Variants in SEPTIN9 observed in about 807,000 individuals in gnomAD.
The protein encoded by SEPTIN9 is septin 9, also known as septin-9.
Under a neutral mutation model 56.6 loss-of-function variants are expected in SEPTIN9, and 13 were observed. The observed-to-expected ratio is 0.23, with a 90% confidence interval of 0.15 to 0.37. SEPTIN9 has a LOEUF of 0.37. Ranked by LOEUF, SEPTIN9 falls within the 10% of genes least tolerant of loss-of-function variation. The pLI, the probability that SEPTIN9 is intolerant of heterozygous loss-of-function variation, is 1.00. For missense variants in SEPTIN9, 650 were observed against 823.1 expected (o/e 0.79, Z 2.57); for synonymous variants, 332 against 334.1 (o/e 0.99, Z 0.07).
Position 77,482,149 on chromosome 17 carries a change from G to A in SEPTIN9, c.727G>A (p.Glu243Lys). The A allele has an allele frequency of 6.4e-7, 1 of 1,571,760 alleles. No homozygotes were observed. The highest frequency in any genetic ancestry group is 1.4e-5 in the African/African-American group (1 of 74,020). Residue 243 changes from glutamate (E) to lysine (K), a missense_variant, in exon 4 of 12, where the codon GAG becomes AAG. By Grantham distance (56) the Glu-to-Lys change is moderately conservative (BLOSUM62 1). Transcript: ENST00000427177. Reference sequence around the variant, plus strand: ...CTCTGCTGTTCCTTCCCCAGCCACTGAGGCGGCTCCCAGCTGCGTTGGCGA... The same window carrying A: ...CTCTGCTGTTCCTTCCCCAGCCACTAAGGCGGCTCCCAGCTGCGTTGGCGA... Reference protein sequence around the residue: ...EATPRSQEATEAAPSCVGDMA... With the variant: ...EATPRSQEATKAAPSCVGDMA...
intron 2 of SEPTIN9, chr17:77,376,327 C>T (rs1192990450): frequency 9.1e-6 from 9 of 985,804 alleles, no homozygotes; most frequent in Non-Finnish European, 9.6e-6. Context: ...TGGGAATGGG[C>T]GCAGGAGCAG....
At chr17:77,337,327 C>T (rs2033588183) in intron 2 of SEPTIN9, among the ~76,000 whole-genome samples, 1 of 152,000 alleles carries the variant, frequency 6.6e-6, no homozygotes, top group African/African-American at 2.4e-5. Flanking sequence ...AATATTGAAC[C>T]AACCTTGCAT....
At position 77,327,556 on chromosome 17, in the gene SEPTIN9, C is replaced by T. The variant is rs900725364; in HGVS notation, c.76+20359C>T. On this transcript the variant is annotated intron_variant, in intron 2 of 11. Transcript: ENST00000427177. This position sits in a 1 kb window ranked among gnomAD's most constrained non-coding sequence, Gnocchi z 5.0. ...GCTGGCATGCTCTGGGCAGTGGGGG[C>T]TGGGTATGGGAGGGGATCGTGGGTG... Among the ~76,000 whole-genome samples, 12 of 152,084 alleles carry T rather than the reference C, an allele frequency of 7.9e-5. No homozygotes were observed. Among genetic ancestry groups the T allele is most frequent in the African/African-American group, 2.9e-4 (12 of 41,426 alleles).
intron 1 of SEPTIN9, among the ~76,000 whole-genome samples, chr17:77,287,281 A>T (rs2031323342): frequency 2.0e-5 from 3 of 152,200 alleles, no homozygotes; most frequent in Admixed American, 6.5e-5. Flanking sequence ...GGAGCAGTGA[A>T]GTGCCCCCGT....
intron 1 of SEPTIN9, among the ~76,000 whole-genome samples, chr17:77,296,650 T>C (rs556580775): frequency 3.4e-4 from 52 of 152,186 alleles, no homozygotes; most frequent in African/African-American, 1.3e-3. Flanking sequence ...GCCAGGAGTT[T>C]GAGACCAGCC....
intron 2 of SEPTIN9, among the ~76,000 whole-genome samples, chr17:77,314,603 G>A (rs1047271029): frequency 3.3e-5 from 5 of 152,096 alleles, no homozygotes. Flanking sequence ...CAGCAAATCC[G>A]AGCCCAGAGC....
Position 77,445,525 on chromosome 17 carries a change from CGTGTGT to C in SEPTIN9, c.722-36609_722-36604del, listed in dbSNP as rs139208809. ...GGGGGTTGGTGCATGTGTGCACGCA[CGTGTGT>C]GTGTGTGTGCGTGCGTGCTGGGTGG... On this transcript the variant is annotated intron_variant, in intron 3 of 11. Transcript: ENST00000427177. The surrounding 1 kb of genome is among the most constrained non-coding windows in gnomAD (Gnocchi z 4.7). The C allele has an allele frequency of 1.2e-5, 5 of 403,628 alleles. No homozygotes were observed. Among genetic ancestry groups the C allele is most frequent in the South Asian group, 9.6e-5 (5 of 52,310 alleles). The allele number at this position is 403,628 out of a possible 1,614,324, so 25.0% of individuals were successfully genotyped here. A position where few individuals can be genotyped will look rare whatever the true frequency, so the allele number is the denominator to read the frequency against.
rs570178505 is a variant in SEPTIN9, at chr17:77,349,748, G to T, written c.76+42551G>T. Among the ~76,000 whole-genome samples the T allele has an allele frequency of 3.1e-4, 47 of 152,228 alleles. 2 individuals carry two copies. In the South Asian group the frequency reaches 8.5e-3, roughly 28 times the overall value. On this transcript the variant is annotated intron_variant, in intron 2 of 11. Transcript: ENST00000427177. Reference sequence around the variant, plus strand: ...TTGAGATATTCTATACTGACTCCAGGCTGTTGTTATTTTGTTCTTTCAAAT... The same window carrying T: ...TTGAGATATTCTATACTGACTCCAGTCTGTTGTTATTTTGTTCTTTCAAAT...
Position 77,492,767 on chromosome 17 carries a change from G to A in SEPTIN9, c.1476+51G>A, listed in dbSNP as rs2040085943. 3.9e-6 allele frequency: 6 copies of A among 1,535,228 alleles called. No homozygotes were observed. The highest frequency in any genetic ancestry group is 5.4e-6 in the Non-Finnish European group (6 of 1,108,456). ...TCCCAGGGGACCCCCAGTTCCTGCT[G>A]AAGGGTGGGTTGGGGGTTTGGAGGA... On this transcript the variant is annotated intron_variant, in intron 9 of 11. Transcript: ENST00000427177. The surrounding 1 kb of genome is among the most constrained non-coding windows in gnomAD (Gnocchi z 5.4).
At chr17:77,379,097 G>A (rs76283351) in intron 2 of SEPTIN9, among the ~76,000 whole-genome samples, 2,457 of 152,250 alleles carry the variant, frequency 0.016, 50 homozygotes, top group African/African-American at 0.056. Context: ...GTCAAGTGTG[G>A]TGCAGAGCTG....
At chr17:77,490,553 C>T (rs1256504481) in intron 7 of SEPTIN9, among the ~76,000 whole-genome samples, 189 bp from the exon 8 acceptor site, 2 of 152,228 alleles carry the variant, frequency 1.3e-5, no homozygotes, top group East Asian at 3.9e-4. Context: ...GTGTCTGGGA[C>T]ACACCCGTGT....
chr17:77,435,304 A>C lies in SEPTIN9; in HGVS notation c.721+32601A>C, dbSNP rs905529150. Among the ~76,000 whole-genome samples the C allele has an allele frequency of 6.6e-6, 1 of 152,090 alleles. No homozygotes were observed. Among genetic ancestry groups the C allele is most frequent in the Non-Finnish European group, 1.5e-5 (1 of 67,984 alleles). On this transcript the variant is annotated intron_variant, in intron 3 of 11. Coordinates refer to ENST00000427177, the MANE Select transcript of SEPTIN9 (RefSeq NM_001113491.2). The surrounding 1 kb of genome is among the most constrained non-coding windows in gnomAD (Gnocchi z 4.5). ...CAAAACCTGAGGCCCAGAGGAGTGC[A>C]GTGACTTGGCCAGCTTCGCACGGCA...
chr17:77,336,078 CCT>C (rs1396648055), intron 2 of SEPTIN9, among the ~76,000 whole-genome samples: 2 of 151,760 alleles, frequency 1.3e-5, no homozygotes, highest in Non-Finnish European at 1.5e-5. Flanking sequence ...ACATGTAGGC[CCT>C]GTGTTGAGAC....
chr17:77,397,587 A>C (rs975040641), intron 2 of SEPTIN9, among the ~76,000 whole-genome samples: 24 of 152,098 alleles, frequency 1.6e-4, no homozygotes, highest in African/African-American at 5.8e-4. Context: ...ATGGGGGTGA[A>C]GGTCTAGTGC....
At chr17:77,288,061 T>A (rs1267751381) in intron 1 of SEPTIN9, 6 of 1,062,894 alleles carry the variant, frequency 5.6e-6, no homozygotes, top group Admixed American at 5.4e-5. Context: ...AAGTGCTGGG[T>A]TAGGGGGCAC....
intron 3 of SEPTIN9, among the ~76,000 whole-genome samples, chr17:77,417,688 G>T (rs1320738317): frequency 6.6e-6 from 1 of 152,212 alleles, no homozygotes; most frequent in Non-Finnish European, 1.5e-5. Flanking sequence ...ATACGCAGGA[G>T]CCATTCCTTT....
chr17:77,395,834 CAT>C (rs1257587113), intron 2 of SEPTIN9, among the ~76,000 whole-genome samples: 3 of 152,196 alleles, frequency 2.0e-5, no homozygotes, highest in South Asian at 4.1e-4. Context: ...AGGCCTTTGA[CAT>C]ATGGGTTTAG....
At chr17:77,423,325 T>C (rs2036770980) in intron 3 of SEPTIN9, among the ~76,000 whole-genome samples, 3 of 152,230 alleles carry the variant, frequency 2.0e-5, no homozygotes, top group Admixed American at 2.0e-4. Context: ...CGTGAGCCAC[T>C]GCGCCCGGCC....
rs550401261 is a variant in SEPTIN9 at position 77,487,698 on chromosome 17, G to T, written c.1042+146G>T. 3,057 of 543,610 alleles carry T rather than the reference G, an allele frequency of 5.6e-3. 634 individuals are homozygous for T. Among genetic ancestry groups the T allele is most frequent in the South Asian group, 6.7e-3 (302 of 45,062 alleles). The allele number at this position is 543,610 out of a possible 1,614,324, so 33.7% of individuals were successfully genotyped here. On this transcript the variant is annotated intron_variant, in intron 5 of 11. Coordinates refer to ENST00000427177, the MANE Select transcript of SEPTIN9 (RefSeq NM_001113491.2). This position sits in a 1 kb window ranked among gnomAD's most constrained non-coding sequence, Gnocchi z 4.3. ...CCTCTGCCTTCCTGGAGCACAGAGT[G>T]GGGGGTCAAGACCATCACACACAGT... is the stretch of plus-strand genomic sequence containing the variant.
Sources: allele counts gnomAD v4.1 joint callset (sites outside exome capture counted in the v4.1 genomes callset), GRCh38; gene constraint gnomAD v4.1.1; non-coding constraint Gnocchi (gnomAD v3.1); transcripts MANE v1.5; gene names NCBI Gene and HGNC (gene_info 2026-07-23, HGNC 2026-07-21).